The following PCDH15 variants were observed in gnomAD, a reference collection of about 807,000 sequenced individuals.
The protein encoded by PCDH15 is protocadherin related 15.
Under a neutral mutation model 178.5 loss-of-function variants are expected in PCDH15, and 129 were observed. That is an observed-to-expected ratio of 0.72 (90% CI 0.63 to 0.84). PCDH15 has a LOEUF of 0.84. Ranked by LOEUF, PCDH15 falls within the 40% of genes least tolerant of loss-of-function variation. PCDH15 has a pLI of 0.00. For synonymous variants in PCDH15, 800 were observed against 732.0 expected, an observed-to-expected ratio of 1.09 and a Z score of -1.50; for missense variants, 2,230 against 2,099.9, an observed-to-expected ratio of 1.06 and a Z score of -1.21.
chr10:53,973,854 T>C (rs1398331944), intron 21 of PCDH15, among the ~76,000 whole-genome samples: 1 of 152,184 alleles, frequency 6.6e-6, no homozygotes, highest in African/African-American at 2.4e-5. Flanking sequence ...ATTGGTAAAG[T>C]AACATAGTCT....
intron 16 of PCDH15, among the ~76,000 whole-genome samples, chr10:54,079,631 A>C (rs2094404698): frequency 6.6e-6 from 1 of 152,184 alleles, no homozygotes; most frequent in Admixed American, 6.6e-5. Context: ...GTATCCATGA[A>C]ACTGACACTG....
chr10:54,473,826 G>A (rs1425407661), intron 3 of PCDH15, among the ~76,000 whole-genome samples: 1 of 151,502 alleles, frequency 6.6e-6, no homozygotes, highest in Non-Finnish European at 1.5e-5. Context: ...ATAAACATAG[G>A]AATTCTAATA....
intron 1 of PCDH15, among the ~76,000 whole-genome samples, chr10:54,781,326 C>A (rs958480022): frequency 6.6e-6 from 1 of 151,990 alleles, no homozygotes; most frequent in Non-Finnish European, 1.5e-5. Flanking sequence ...GCCCACCATC[C>A]CCCGACAGGC....
chr10:55,400,478 G>A (rs1024127678), intron 2 of PCDH15, among the ~76,000 whole-genome samples: 3 of 152,074 alleles, frequency 2.0e-5, no homozygotes, highest in Non-Finnish European at 4.4e-5. Context: ...AGAATAAAAC[G>A]AAAACAGAGT....
intron 11 of PCDH15, among the ~76,000 whole-genome samples, chr10:54,188,407 T>C (rs2048668077): frequency 6.6e-6 from 1 of 151,890 alleles, no homozygotes; most frequent in African/African-American, 2.4e-5. Context: ...AGGTAGCTGT[T>C]GTGTCTATAA....
At chr10:54,891,507 A>G (rs1954462260) in intron 3 of PCDH15, among the ~76,000 whole-genome samples, 1 of 152,244 alleles carries the variant, frequency 6.6e-6, no homozygotes. Flanking sequence ...CATTTGTGAG[A>G]AGAAAACTTA....
chr10:55,483,883 G>A (rs1229036491), intron 2 of PCDH15, among the ~76,000 whole-genome samples: 1 of 150,612 alleles, frequency 6.6e-6, no homozygotes, highest in Non-Finnish European at 1.5e-5. Flanking sequence ...ATTCACAATA[G>A]CAAAGACATG....
chr10:55,086,518 T>C (rs1267332975), intron 2 of PCDH15, among the ~76,000 whole-genome samples: 1 of 152,066 alleles, frequency 6.6e-6, no homozygotes, highest in Admixed American at 6.6e-5. Context: ...CCCCAGTCTA[T>C]AGATATATCT....
In PCDH15 at chr10:54,351,553, C is replaced by T. The variant is rs1411573016; in HGVS notation, c.475-5069G>A. ...ATGCAGATGAGACTGAAACTTTTCA[C>T]AATTTCTTCATATTTTAATATACTA... On this transcript the variant is annotated intron_variant, in intron 5 of 37. Transcript: ENST00000644397. Among the ~76,000 whole-genome samples, 4 of 152,092 alleles carry T rather than the reference C, an allele frequency of 2.6e-5. No individual in the cohort carries two copies. In the East Asian group the frequency reaches 5.8e-4, roughly 22 times the overall value.
In PCDH15 at chr10:54,457,104, G is replaced by T. The variant is rs528817456; in HGVS notation, c.157+70708C>A. Among the ~76,000 whole-genome samples, 3 of 152,238 alleles carry T rather than the reference G, an allele frequency of 2.0e-5. No individual in the cohort carries two copies. The South Asian group carries it at 6.2e-4, about 32-fold the overall frequency. On this transcript the variant is annotated intron_variant, in intron 3 of 37. Transcript: ENST00000644397. ...GGATGCAATTCAAGTTAAGGTAAGA[G>T]AGTAGTGTAGTATAAATCAGCCTTG... is the stretch of plus-strand genomic sequence containing the variant.
chr10:55,467,660 A>G (rs1419600391), intron 2 of PCDH15, among the ~76,000 whole-genome samples: 2 of 151,958 alleles, frequency 1.3e-5, no homozygotes, highest in Non-Finnish European at 2.9e-5. Flanking sequence ...AAGAGCAACA[A>G]GTTTGACTAA....
At chr10:54,361,254 C>G (rs1361710) in intron 5 of PCDH15, among the ~76,000 whole-genome samples, 8,172 of 152,084 alleles carry the variant, frequency 0.054, 252 homozygotes, top group Admixed American at 0.098. Context: ...AGTGGACCCT[C>G]ACAGTTAAAA....
intron 1 of PCDH15, among the ~76,000 whole-genome samples, chr10:55,308,394 C>A (rs568388772): frequency 3.9e-5 from 6 of 152,068 alleles, no homozygotes; most frequent in African/African-American, 7.2e-5. Flanking sequence ...CACTCGTATA[C>A]CTTCTGGATT....
chr10:54,557,355 A>C (rs1261106292), intron 2 of PCDH15, among the ~76,000 whole-genome samples: 1 of 152,188 alleles, frequency 6.6e-6, no homozygotes, highest in African/African-American at 2.4e-5. Flanking sequence ...ATCTTTGTAA[A>C]TTTAGACACT....
intron 1 of PCDH15, among the ~76,000 whole-genome samples, chr10:55,274,625 T>C (rs956450502): frequency 2.0e-5 from 3 of 152,076 alleles, no homozygotes; most frequent in African/African-American, 7.3e-5. Context: ...ACCACTTTTT[T>C]CCAAACCTGC....
intron 3 of PCDH15, among the ~76,000 whole-genome samples, chr10:54,379,901 C>T (rs191111083): frequency 1.3e-5 from 2 of 151,920 alleles, no homozygotes; most frequent in African/African-American, 2.4e-5. Flanking sequence ...GAGAACACAT[C>T]GCCTTAGGAC....
chr10:54,216,053 A>AAAAAAAAAAAAAAAAAAAAT (rs2052021149), intron 9 of PCDH15, among the ~76,000 whole-genome samples: 1 of 149,612 alleles, frequency 6.7e-6, no homozygotes, highest in African/African-American at 2.5e-5. Context: ...AGAAAAAAAA[A>AAAAAAAAAAAAAAAAAAAAT]AAAAAAAAAA....
intron 2 of PCDH15, among the ~76,000 whole-genome samples, chr10:54,612,510 G>A (rs2092995997): frequency 6.6e-6 from 1 of 151,516 alleles, no homozygotes; most frequent in South Asian, 2.1e-4. Flanking sequence ...TGGACTGGAG[G>A]CATAAATGAC....
At position 54,757,524 on chromosome 10, in the gene PCDH15, G is replaced by A. The variant is rs1287353738; in HGVS notation, c.-29+43401C>T. On this transcript the variant is annotated intron_variant, in intron 1 of 37. Coordinates refer to ENST00000644397, the MANE Select transcript of PCDH15 (RefSeq NM_001384140.1). ...TCTCGATCTCCTGACCTCGTGATCC[G>A]CCCGTCTCGGCCTCCCAAAGTGCTG... Among the ~76,000 whole-genome samples the A allele has an allele frequency of 9.2e-5, 3 of 32,452 alleles. 1 individual carries two copies. The highest frequency in any genetic ancestry group is 5.4e-4 in the African/African-American group (3 of 5,602). 21.3% of individuals were successfully genotyped at this position (32,452 alleles called of 152,430 possible).
Sources: gnomAD v4.1 joint callset for allele counts (sites outside exome capture counted in the v4.1 genomes callset) on GRCh38, gnomAD v4.1.1 for gene constraint, MANE v1.5 for transcripts, NCBI Gene and HGNC (gene_info 2026-07-23, HGNC 2026-07-21) for gene names.